Variants in UVRAG observed in about 807,000 individuals in gnomAD.
UVRAG encodes UV radiation resistance associated.
UVRAG carries 19 observed loss-of-function variants against 78.0 expected under a neutral mutation model. The ratio of observed to expected loss-of-function variants is 0.24; its 90% CI spans 0.17 to 0.36. UVRAG has a LOEUF of 0.36. Ranked by LOEUF, UVRAG falls within the 10% of genes least tolerant of loss-of-function variation. The pLI is 1.00. For missense variants in UVRAG, 740 were observed against 853.8 expected, an observed-to-expected ratio of 0.87 and a Z score of 1.66; for synonymous variants, 323 against 324.6, an observed-to-expected ratio of 1.00 and a Z score of 0.05.
chr11:75,997,063 A>G (rs992085995), intron 8 of UVRAG, among the ~76,000 whole-genome samples: 4 of 152,198 alleles, frequency 2.6e-5, no homozygotes, highest in Non-Finnish European at 5.9e-5. Flanking sequence ...TCATAATGAA[A>G]TAAAGTCAGT....
intron 8 of UVRAG, among the ~76,000 whole-genome samples, chr11:76,001,733 A>G (rs927952604): frequency 1.3e-5 from 2 of 152,202 alleles, no homozygotes; most frequent in African/African-American, 4.8e-5. Context: ...TGAATCTGGG[A>G]TCACTTAAGC....
At chr11:75,916,641 AAGAG>A (rs1947863111) in intron 6 of UVRAG, 1 of 152,284 alleles carries the variant, frequency 6.6e-6, no homozygotes, top group Non-Finnish European at 1.5e-5. Flanking sequence ...GCAGCAAAGA[AAGAG>A]TTTAATTATT....
chr11:76,088,194 T>C (rs1951627778), intron 13 of UVRAG, among the ~76,000 whole-genome samples: 1 of 152,100 alleles, frequency 6.6e-6, no homozygotes, highest in African/African-American at 2.4e-5. Context: ...TTTGTGAAAA[T>C]TCATAAGCCA....
intron 6 of UVRAG, among the ~76,000 whole-genome samples, chr11:75,949,710 TATATAC>T (rs1010739622): frequency 1.6e-4 from 23 of 142,998 alleles, no homozygotes; most frequent in African/African-American, 5.4e-4. Flanking sequence ...TATATATATA[TATATAC>T]ACACACACAC....
chr11:75,905,374 A>G (rs1041389390), intron 5 of UVRAG, among the ~76,000 whole-genome samples: 5 of 152,218 alleles, frequency 3.3e-5, no homozygotes, highest in Admixed American at 3.3e-4. Flanking sequence ...GTGTACCACC[A>G]TCTCTGTCAA....
chr11:75,845,534 T>C (rs936853581), intron 1 of UVRAG, among the ~76,000 whole-genome samples: 4 of 152,160 alleles, frequency 2.6e-5, no homozygotes, highest in Non-Finnish European at 4.4e-5. Flanking sequence ...TGCAGCAACA[T>C]GGTTGGAGCT....
At chr11:75,916,345 T>G (rs1947857178) in intron 6 of UVRAG, 1 of 152,232 alleles carries the variant, frequency 6.6e-6, no homozygotes, top group Non-Finnish European at 1.5e-5. Flanking sequence ...TTGTTAGAAT[T>G]AAATAAGATA....
At chr11:75,880,508 T>G (rs1946914650) in intron 4 of UVRAG, among the ~76,000 whole-genome samples, 1 of 152,196 alleles carries the variant, frequency 6.6e-6, no homozygotes, top group Non-Finnish European at 1.5e-5. Flanking sequence ...CTGCCACTGG[T>G]TCTCCATCTC....
intron 6 of UVRAG, among the ~76,000 whole-genome samples, 170 bp from the exon 7 acceptor site, chr11:75,961,274 T>C (rs150878432): frequency 3.5e-4 from 54 of 152,330 alleles, no homozygotes; most frequent in Admixed American, 9.2e-4. Flanking sequence ...TTTACTGTTA[T>C]AGGATTTATT....
rs532779748 is a variant in UVRAG at position 75,835,937 on chromosome 11, A to T, written c.118-15946A>T. The stretch of plus-strand genomic sequence containing the variant: ...TGAAACCCTGTCTCTACTTAAAAAA[A>T]ATATATACAAAAAATTAACTGGGCG... On this transcript the variant is annotated intron_variant, in intron 1 of 14. Transcript: ENST00000356136. 7.2e-5 allele frequency among the ~76,000 whole-genome samples: 11 copies of T among 152,080 alleles called. No individual in the cohort carries two copies. The South Asian group carries it at 8.3e-4, about 11-fold the overall frequency.
chr11:76,135,322 G>A (rs1952581199), intron 14 of UVRAG, among the ~76,000 whole-genome samples: 1 of 152,160 alleles, frequency 6.6e-6, no homozygotes. Context: ...AGAAAAGATA[G>A]TTGATTGCAA....
At chr11:75,877,553 G>A (rs372585982) in intron 3 of UVRAG, among the ~76,000 whole-genome samples, 1 of 140,362 alleles carries the variant, frequency 7.1e-6, no homozygotes, top group South Asian at 2.3e-4. Context: ...CTGGCCGGGC[G>A]GGGGGCTGAC....
At chr11:75,909,694 G>C (rs1947692624) in intron 5 of UVRAG, among the ~76,000 whole-genome samples, 2 of 152,116 alleles carry the variant, frequency 1.3e-5, no homozygotes, top group Admixed American at 1.3e-4. Flanking sequence ...TATTTGTCTA[G>C]TTGATTGTTT....
intron 8 of UVRAG, among the ~76,000 whole-genome samples, chr11:76,001,604 T>C (rs1949816278): frequency 6.6e-6 from 1 of 152,132 alleles, no homozygotes; most frequent in Non-Finnish European, 1.5e-5. Flanking sequence ...ATATCAGGAA[T>C]GAGAGGGGAC....
At chr11:75,877,903 G>A (rs1946838298) in intron 3 of UVRAG, among the ~76,000 whole-genome samples, 1 of 149,618 alleles carries the variant, frequency 6.7e-6, no homozygotes, top group Non-Finnish European at 1.5e-5. Flanking sequence ...CGGCTGGCCT[G>A]GCGGGGGGCT....
At chr11:76,127,310 A>C (rs1317081973) in intron 14 of UVRAG, among the ~76,000 whole-genome samples, 1 of 152,218 alleles carries the variant, frequency 6.6e-6, no homozygotes, top group East Asian at 1.9e-4. Flanking sequence ...GATCACTTAG[A>C]TTGGCATGGT....
chr11:75,997,776 T>C (rs933043747), intron 8 of UVRAG, among the ~76,000 whole-genome samples: 8 of 152,180 alleles, frequency 5.3e-5, no homozygotes. Context: ...GATAGAACCA[T>C]CAGAGGCTTC....
At chr11:75,997,180 G>A (rs1281501951) in intron 8 of UVRAG, among the ~76,000 whole-genome samples, 1 of 152,220 alleles carries the variant, frequency 6.6e-6, no homozygotes, top group Non-Finnish European at 1.5e-5. Flanking sequence ...GGAAGCTAAA[G>A]TACTCCAAGT....
intron 14 of UVRAG, among the ~76,000 whole-genome samples, chr11:76,131,439 G>A (rs767547717): frequency 2.8e-4 from 43 of 152,190 alleles, no homozygotes; most frequent in Non-Finnish European, 5.6e-4. Flanking sequence ...TGGTGAACTG[G>A]ATTTCTTCAG....
Sources: gnomAD v4.1 joint callset for allele counts (sites outside exome capture counted in the v4.1 genomes callset) on GRCh38, gnomAD v4.1.1 for gene constraint, MANE v1.5 for transcripts, NCBI Gene and HGNC (gene_info 2026-07-23, HGNC 2026-07-21) for gene names.